GOLGA3: variants seen among roughly 807,000 people sequenced by gnomAD.
GOLGA3 encodes golgin subfamily A member 3.
GOLGA3 carries 75 observed loss-of-function variants against 169.4 expected under a neutral mutation model. The ratio of observed to expected loss-of-function variants is 0.44; its 90% CI spans 0.37 to 0.54. The LOEUF (loss-of-function observed/expected upper bound fraction) is 0.54, where lower values mean the gene tolerates loss of function less well. Among genes scored for constraint, GOLGA3 ranks in the 20% least tolerant of loss-of-function variants. The pLI, the probability that GOLGA3 is intolerant of heterozygous loss-of-function variation, is 0.00. For synonymous variants in GOLGA3, 824 were observed against 822.4 expected (o/e 1.00, Z -0.03); for missense variants, 1,899 against 1,930.0 (o/e 0.98, Z 0.30).
At chr12:132,773,444 T>A in intron 23 of GOLGA3, 150 bp from the exon 24 acceptor site, 1 of 415,884 alleles carries the variant, frequency 2.4e-6, no homozygotes, top group Non-Finnish European at 4.2e-6. Context: ...AGCTCAGCTG[T>A]TCTCAGCACC....
chr12:132,809,268 AAGGC>A (rs1949577655), intron 4 of GOLGA3, among the ~76,000 whole-genome samples: 2 of 152,220 alleles, frequency 1.3e-5, no homozygotes, highest in Admixed American at 6.5e-5. Context: ...ATGGAACATG[AAGGC>A]AGACTAGGAG....
At chr12:132,807,504 A>G (rs1949464336) in intron 5 of GOLGA3, among the ~76,000 whole-genome samples, 1 of 152,224 alleles carries the variant, frequency 6.6e-6, no homozygotes, top group Non-Finnish European at 1.5e-5. Context: ...TTACAGAAAC[A>G]TGAGACATGC....
intron 4 of GOLGA3, among the ~76,000 whole-genome samples, chr12:132,810,176 A>T (rs4758940): frequency 6.6e-6 from 1 of 152,074 alleles, no homozygotes; most frequent in Non-Finnish European, 1.5e-5. Flanking sequence ...TGAACCCAGG[A>T]GGTGGAGGTC....
rs201422246 is a variant in GOLGA3, at chr12:132,796,100, C to T, written c.2221G>A (p.Asp741Asn). The change falls in exon 11 of 24, where the codon GAT (aspartate) becomes AAT (asparagine). Residue 741 changes from aspartate (D) to asparagine (N), a missense_variant. Physicochemically the swap from Asp to Asn is conservative, Grantham distance 23. Transcript: ENST00000450791. ...EALQSREQSL[D>N]ALQTHYDELQ... ...TCATCGTAGTGTGTCTGCAGGGCAT[C>T]GAGGGACTGCTCCCTGCTCTGCAGA... The T allele has an allele frequency of 7.9e-5, 127 of 1,612,936 alleles. No individual in the cohort carries two copies. The highest frequency in any genetic ancestry group is 5.1e-4 in the East Asian group (23 of 44,880).
rs1045227038 is a variant in GOLGA3 at position 132,771,968 on chromosome 12, C to T, written c.*1137G>A. On this transcript the variant is annotated 3_prime_UTR_variant, in exon 24 of 24. Transcript: ENST00000450791. ...GGCCTGACCAAGGGTCCAAGCTGCC[C>T]CTTCCCAGTGGCCAGCCACGGTGGA... 1.3e-5 allele frequency: 2 copies of T among 152,330 alleles called. No individual in the cohort carries two copies. The highest frequency in any genetic ancestry group is 4.8e-5 in the African/African-American group (2 of 41,464). 9.4% of individuals were successfully genotyped at this position (152,330 alleles called of 1,614,324 possible). A position where few individuals can be genotyped will look rare whatever the true frequency, so the allele number is the denominator to read the frequency against.
At chr12:132,813,496 T>C in intron 3 of GOLGA3, 77 bp from the exon 4 acceptor site, 1 of 767,860 alleles carries the variant, frequency 1.3e-6, no homozygotes, top group East Asian at 2.6e-5. Context: ...AACTTGGTCA[T>C]TTTGTACTTA....
intron 1 of GOLGA3, among the ~76,000 whole-genome samples, chr12:132,823,438 A>G (rs1008778073): frequency 6.6e-6 from 1 of 152,236 alleles, no homozygotes; most frequent in Non-Finnish European, 1.5e-5. Flanking sequence ...CATGAGAAAC[A>G]TTACACAACC....
chr12:132,775,437 T>A, intron 21 of GOLGA3, 132 bp from the exon 22 acceptor site: 1 of 719,960 alleles, frequency 1.4e-6, no homozygotes, highest in Non-Finnish European at 2.2e-6. Flanking sequence ...CCAGTCCAGG[T>A]CCAAAATGCT....
At chr12:132,828,122 T>C (rs1351611409) in intron 1 of GOLGA3, among the ~76,000 whole-genome samples, 2 of 152,172 alleles carry the variant, frequency 1.3e-5, no homozygotes, top group African/African-American at 2.4e-5. Flanking sequence ...TTGCCTGGCT[T>C]GCTTCTCGTC....
intron 3 of GOLGA3, 152 bp downstream of exon 3, chr12:132,816,388 T>G (rs768135968): frequency 1.4e-6 from 1 of 716,204 alleles, no homozygotes; most frequent in Non-Finnish European, 2.4e-6. Context: ...AAGCTCTCCT[T>G]GCTAAACTCA....
chr12:132,782,386 A>C lies in GOLGA3; in HGVS notation c.3375T>G (p.Gly1125=), dbSNP rs1342245024. Residue 1125 remains glycine, a synonymous_variant, in exon 17 of 24, where the codon GGT becomes GGG. Transcript: ENST00000450791. The part of the protein sequence containing the change: ...EHEKGKLTGL[G]QSNAALREHN... ...GTTCCCGCAGAGCTGCGTTGGACTGACCGAGGCCCGTAAGCTTCCCTTTCT... is the reference window on the plus strand; with the variant it reads ...GTTCCCGCAGAGCTGCGTTGGACTGCCCGAGGCCCGTAAGCTTCCCTTTCT... 41 of 1,614,092 alleles carry C rather than the reference A, an allele frequency of 2.5e-5. No homozygotes were observed. The highest frequency in any genetic ancestry group is 3.3e-5 in the Non-Finnish European group (39 of 1,180,030).
chr12:132,795,758 C>CA lies in GOLGA3; in HGVS notation c.2469+93dup, dbSNP rs369080549. 10,715 of 1,181,904 alleles carry CA rather than the reference C, an allele frequency of 9.1e-3. 89 individuals carry two copies. Among genetic ancestry groups the CA allele is most frequent in the African/African-American group, 0.063 (3,986 of 63,574 alleles). The allele number at this position is 1,181,904 out of a possible 1,614,324, so 73.2% of individuals were successfully genotyped here. ...CCTGGGCAACACAGCGAGACTGTTT[C>CA]AAAAAAAAAAGAAAGAAAGAAAGAA... On this transcript the variant is annotated intron_variant, in intron 11 of 23. Coordinates refer to ENST00000450791, the MANE Select transcript of GOLGA3 (RefSeq NM_001389683.1).
At chr12:132,806,737 G>T (rs941806529) in intron 6 of GOLGA3, among the ~76,000 whole-genome samples, 3 of 152,216 alleles carry the variant, frequency 2.0e-5, no homozygotes, top group African/African-American at 7.2e-5. Context: ...AATGACAAAG[G>T]AGAGCTGAAA....
intron 12 of GOLGA3, among the ~76,000 whole-genome samples, 172 bp from the exon 13 acceptor site, chr12:132,789,462 G>A (rs1486220785): frequency 6.6e-6 from 1 of 152,228 alleles, no homozygotes; most frequent in Non-Finnish European, 1.5e-5. Flanking sequence ...ACACACCACT[G>A]TTTATCCACA....
rs188734486 is a variant in GOLGA3, at chr12:132,816,264, C to T, written c.406+276G>A. On this transcript the variant is annotated intron_variant, in intron 3 of 23. Transcript: ENST00000450791. ...GGATGCCCACCGTCTGCTTACCAAG[C>T]ACCTGGGTGACACAGGACATGCAGG... 2.6e-4 allele frequency among the ~76,000 whole-genome samples: 40 copies of T among 152,372 alleles called. No homozygotes were observed. The Middle Eastern group carries it at 0.01, about 39-fold the overall frequency.
At chr12:132,811,668 G>A (rs1412128215) in intron 4 of GOLGA3, 1 of 159,918 alleles carries the variant, frequency 6.3e-6, no homozygotes, top group East Asian at 1.9e-4. Flanking sequence ...CTCCACGTTG[G>A]CCAGGCTGGT....
chr12:132,776,672 C>T lies in GOLGA3; in HGVS notation c.3940G>A (p.Gly1314Ser), dbSNP rs777965416. 6.2e-7 allele frequency: 1 copy of T among 1,614,030 alleles called. No individual in the cohort carries two copies. The highest frequency in any genetic ancestry group is 1.1e-5 in the South Asian group (1 of 91,086). ...TGTAGCCCTTCCAGTTCCTTCCTGC[C>T]CTGCTGCTCCGTCAAGTCCAGCTGC... ...KQQLDLTEQQ[G>S]RKELEGLQQL... The change falls in exon 21 of 24, where the codon GGC becomes AGC. Residue 1314 changes from glycine to serine, a missense_variant. Gly to Ser is a moderately conservative substitution (Grantham distance 56, BLOSUM62 0). Transcript: ENST00000450791.
At chr12:132,802,069 C>A in intron 7 of GOLGA3, 100 bp from the exon 8 acceptor site, 1 of 878,132 alleles carries the variant, frequency 1.1e-6, no homozygotes, top group Non-Finnish European at 1.8e-6. Flanking sequence ...TCAGGGGAGA[C>A]CAAGAATGAG....
In GOLGA3 at chr12:132,774,208, G is replaced by A. The variant is rs750535498; in HGVS notation, c.4256C>T (p.Ala1419Val). ...LLEELLRPPP[A>V]VSKEPLKNLN... ...GTTCTTGAGGGGCTCCTTGCTCACG[G>A]CGGGCGGTGGTCTCAGCAGCTCCTC... Residue 1419 changes from alanine (A) to valine (V), a missense_variant, in exon 23 of 24, where the codon GCC (alanine) becomes GTC (valine). Physicochemically the swap from Ala to Val is moderately conservative, Grantham distance 64 (BLOSUM62 0). Coordinates refer to ENST00000450791, the MANE Select transcript of GOLGA3 (RefSeq NM_001389683.1). 4.3e-6 allele frequency: 7 copies of A among 1,609,580 alleles called. No homozygotes were observed. The South Asian group carries it at 7.7e-5, about 18-fold the overall frequency.
Sources: allele counts gnomAD v4.1 joint callset (sites outside exome capture counted in the v4.1 genomes callset), GRCh38; gene constraint gnomAD v4.1.1; transcripts MANE v1.5; gene names NCBI Gene and HGNC (gene_info 2026-07-23, HGNC 2026-07-21).